TMEM150C: variants seen among roughly 807,000 people sequenced by gnomAD.
The protein encoded by TMEM150C is tentonin 3.
TMEM150C carries 10 observed loss-of-function variants against 29.9 expected under a neutral mutation model. The observed-to-expected ratio is 0.33, with a 90% CI of 0.21 to 0.57. The LOEUF is 0.57. Among genes scored for constraint, TMEM150C ranks in the 20% least tolerant of loss-of-function variants. The probability of loss-of-function intolerance (pLI) is 0.88; values close to 1 mark genes in which losing one functional copy is unlikely to be tolerated. For missense variants in TMEM150C, 251 were observed against 303.6 expected (o/e 0.83, Z 1.29); for synonymous variants, 101 against 112.5 (o/e 0.90, Z 0.64).
At chr4:82,560,119 C>CA (rs11337579) in intron 1 of TMEM150C, among the ~76,000 whole-genome samples, 103 of 146,600 alleles carry the variant, frequency 7.0e-4, no homozygotes, top group East Asian at 3.8e-3. Flanking sequence ...TGTGTTCACG[C>CA]AAAAAAAAAA....
intron 1 of TMEM150C, among the ~76,000 whole-genome samples, chr4:82,523,241 G>T (rs1388711714): frequency 3.3e-5 from 5 of 152,138 alleles, no homozygotes; most frequent in African/African-American, 9.7e-5. Flanking sequence ...GGGCGGGGGG[G>T]TGCTCCAAAA....
intron 6 of TMEM150C, chr4:82,495,784 G>A (rs1723536803): frequency 2.5e-6 from 1 of 398,916 alleles, no homozygotes. Context: ...AGCATAAGCA[G>A]CAATTTCTGT....
At chr4:82,519,805 TAATAA>T (rs1303293783) in intron 1 of TMEM150C, among the ~76,000 whole-genome samples, 3 of 152,154 alleles carry the variant, frequency 2.0e-5, no homozygotes, top group Admixed American at 6.5e-5. Context: ...TAACAACTAA[TAATAA>T]AATAAAAAAA....
At chr4:82,538,845 G>A (rs1374473294) in intron 1 of TMEM150C, among the ~76,000 whole-genome samples, 1 of 152,172 alleles carries the variant, frequency 6.6e-6, no homozygotes, top group African/African-American at 2.4e-5. Flanking sequence ...CAGATTGCTT[G>A]AGCTCAGGAG....
chr4:82,511,437 T>C (rs149615274), intron 1 of TMEM150C, among the ~76,000 whole-genome samples: 1,750 of 150,732 alleles, frequency 0.012, 15 homozygotes, highest in Non-Finnish European at 0.016. Context: ...GGATTCTTTT[T>C]CTCAGAAATC....
upstream of TMEM150C, chr4:82,562,208 A>T (rs763372429): frequency 5.6e-5 from 72 of 1,285,598 alleles, no homozygotes; most frequent in South Asian, 7.0e-4. Flanking sequence ...TTCCTTCCGA[A>T]GCCTTTGTGG....
chr4:82,548,525 G>A (rs913492348), intron 1 of TMEM150C, among the ~76,000 whole-genome samples: 1 of 152,128 alleles, frequency 6.6e-6, no homozygotes, highest in Non-Finnish European at 1.5e-5. Flanking sequence ...TTGCCTTTCT[G>A]AGCATGCTGC....
At chr4:82,497,494 G>A (rs903751845) in intron 5 of TMEM150C, among the ~76,000 whole-genome samples, 1 of 152,098 alleles carries the variant, frequency 6.6e-6, no homozygotes, top group Non-Finnish European at 1.5e-5. Flanking sequence ...GTAACCCTAT[G>A]GCTTTAAGCT....
chr4:82,539,027 A>G (rs1238667011), intron 1 of TMEM150C, among the ~76,000 whole-genome samples: 2 of 152,212 alleles, frequency 1.3e-5, no homozygotes, highest in Non-Finnish European at 2.9e-5. Context: ...AGATCACGCC[A>G]CTGCACTCCA....
At chr4:82,490,960 T>A (rs961501701) in intron 6 of TMEM150C, 1 of 730,748 alleles carries the variant, frequency 1.4e-6, no homozygotes, top group Non-Finnish European at 2.5e-6. Context: ...TTGGTCCTGA[T>A]AGCTTCCACC....
Position 82,484,412 on chromosome 4 carries a change from A to G in TMEM150C, c.*1099T>C, listed in dbSNP as rs1473284584. 3.5e-5 allele frequency: 2 copies of G among 57,778 alleles called. No homozygotes were observed. Among genetic ancestry groups the G allele is most frequent in the East Asian group, 6.5e-4 (2 of 3,096 alleles). The allele number at this position is 57,778 out of a possible 1,614,324, so 3.6% of individuals were successfully genotyped here. ...TCCAAATTTGAAAAGCCCTTAATCCAAAAAAAAAAAAAACCCTACTAAATT... is the reference window on the plus strand; with the variant it reads ...TCCAAATTTGAAAAGCCCTTAATCCGAAAAAAAAAAAAACCCTACTAAATT... On this transcript the variant is annotated 3_prime_UTR_variant, in exon 8 of 8. Transcript: ENST00000449862.
Position 82,484,207 on chromosome 4 carries a change from C to T in TMEM150C, c.*1304G>A, listed in dbSNP as rs1239104424. On this transcript the variant is annotated 3_prime_UTR_variant, in exon 8 of 8. Transcript: ENST00000449862. ...GGTCTGTCCACTTGGCTCACTCCAA[C>T]AGTTTGAATTTGGAATTCTGCTTTT... is the stretch of plus-strand genomic sequence containing the variant. 5 of 152,100 alleles carry T rather than the reference C, an allele frequency of 3.3e-5. No homozygotes were observed. Among genetic ancestry groups the T allele is most frequent in the African/African-American group, 4.8e-5 (2 of 41,400 alleles). 9.4% of individuals were successfully genotyped at this position (152,100 alleles called of 1,614,324 possible).
At chr4:82,562,213 T>G (rs924936346), upstream of TMEM150C, 1 of 1,285,808 alleles carries the variant, frequency 7.8e-7, no homozygotes, top group African/African-American at 1.5e-5. Context: ...TCCGAAGCCT[T>G]TGTGGACGCG....
chr4:82,503,004 A>G, intron 3 of TMEM150C, 55 bp downstream of exon 3: 1 of 1,605,760 alleles, frequency 6.2e-7, no homozygotes, highest in Non-Finnish European at 8.5e-7. Context: ...TCCCAGTGGG[A>G]AAGTTTTTGC....
At chr4:82,554,772 A>G (rs1042734642) in intron 1 of TMEM150C, among the ~76,000 whole-genome samples, 10 of 152,234 alleles carry the variant, frequency 6.6e-5, no homozygotes, top group Non-Finnish European at 1.2e-4. Context: ...ATAGTTAAGC[A>G]TAGTTACTTC....
chr4:82,517,304 A>AATCAGGAAG (rs1369144401), intron 1 of TMEM150C, among the ~76,000 whole-genome samples: 6 of 152,156 alleles, frequency 3.9e-5, no homozygotes, highest in African/African-American at 1.4e-4. Flanking sequence ...ATAGGAGCAA[A>AATCAGGAAG]ATCAGGAAGA....
At chr4:82,549,427 G>A (rs1015394176) in intron 1 of TMEM150C, among the ~76,000 whole-genome samples, 1 of 152,182 alleles carries the variant, frequency 6.6e-6, no homozygotes, top group African/African-American at 2.4e-5. Flanking sequence ...TAAATTCATA[G>A]AGAAAAGTAG....
At chr4:82,490,856 T>G in intron 6 of TMEM150C, 1 of 674,698 alleles carries the variant, frequency 1.5e-6, no homozygotes, top group South Asian at 1.4e-5. Context: ...CTTTAGCCTT[T>G]GCCTTTTTGA....
chr4:82,512,915 C>G (rs1329156105), intron 1 of TMEM150C, among the ~76,000 whole-genome samples: 1 of 152,218 alleles, frequency 6.6e-6, no homozygotes, highest in Non-Finnish European at 1.5e-5. Context: ...CAGGGCATCT[C>G]TGAAAGAAAG....
Sources: gnomAD v4.1 joint callset for allele counts (sites outside exome capture counted in the v4.1 genomes callset) on GRCh38, gnomAD v4.1.1 for gene constraint, MANE v1.5 for transcripts, NCBI Gene and HGNC (gene_info 2026-07-23, HGNC 2026-07-21) for gene names.